Variants in ABCG8 observed in about 807,000 individuals in gnomAD.
The protein encoded by ABCG8 is ATP binding cassette subfamily G member 8, also known as ATP-binding cassette sub-family G member 8.
In ABCG8, 81 loss-of-function variants were observed where a neutral mutation model predicts 71.3. The observed-to-expected ratio is 1.14, with a 90% CI of 0.95 to 1.37. The LOEUF is 1.37. ABCG8 is among the 40% of genes most tolerant of loss of function. The pLI is 0.00. For missense variants in ABCG8, 1,119 were observed against 866.2 expected (o/e 1.29, Z -3.66); for synonymous variants, 451 against 354.7 (o/e 1.27, Z -3.05).
chr2:43,874,293 G>A, intron 9 of ABCG8, 114 bp from the exon 10 acceptor site: 1 of 982,336 alleles, frequency 1.0e-6, no homozygotes, highest in Non-Finnish European at 1.6e-6. Context: ...AAAAAAATTA[G>A]AGACTTGGGC....
rs1026750159 is a variant in ABCG8 at position 43,879,343 on chromosome 2, A to G, written c.*1430A>G. Reference sequence around the variant, plus strand: ...GGGAGGTAAATAGCAAATACTCTTCATAGGTTCACTAGAGTCTTGCTACTC... The same window carrying G: ...GGGAGGTAAATAGCAAATACTCTTCGTAGGTTCACTAGAGTCTTGCTACTC... On this transcript the variant is annotated 3_prime_UTR_variant, in exon 13 of 13. Coordinates refer to ENST00000272286, the MANE Select transcript of ABCG8 (RefSeq NM_022437.3). 7 of 152,266 alleles carry G rather than the reference A, an allele frequency of 4.6e-5. No individual in the cohort carries two copies. The highest frequency in any genetic ancestry group is 7.3e-5 in the Non-Finnish European group (5 of 68,072). 9.4% of individuals were successfully genotyped at this position (152,266 alleles called of 1,614,324 possible). A position where few individuals can be genotyped will look rare whatever the true frequency, so the allele number is the denominator to read the frequency against.
intron 6 of ABCG8, among the ~76,000 whole-genome samples, chr2:43,857,759 G>C (rs546850772): frequency 5.9e-5 from 9 of 151,306 alleles, no homozygotes; most frequent in Admixed American, 2.0e-4. Context: ...TCTGAGGATA[G>C]ATTTCCAACT....
chr2:43,842,846 C>T (rs142862537), intron 1 of ABCG8, among the ~76,000 whole-genome samples: 20 of 152,066 alleles, frequency 1.3e-4, no homozygotes, highest in Non-Finnish European at 2.6e-4. Flanking sequence ...AAGTCACTTT[C>T]GTCTGCTGTT....
intron 6 of ABCG8, among the ~76,000 whole-genome samples, chr2:43,857,187 A>G (rs1669141929): frequency 6.6e-6 from 1 of 151,722 alleles, no homozygotes; most frequent in South Asian, 2.1e-4. Context: ...ATCTATCTGG[A>G]CAGAATTCTC....
rs1404566164 is a variant in ABCG8, at chr2:43,846,230, C to T, written c.241C>T (p.Gln81Ter). 6.2e-7 allele frequency: 1 copy of T among 1,614,000 alleles called. No homozygotes were observed. Among genetic ancestry groups the T allele is most frequent in the Non-Finnish European group, 8.5e-7 (1 of 1,180,022 alleles). ...GATGCCCTGGACATCTCCCAGCTGC[C>T]AGAATTCTTGTGAGCTGGGCATCCA... ...FKMPWTSPSCQNSCELGIQNL... is the reference protein window; with the variant it reads ...FKMPWTSPSC The change falls in exon 3 of 13, where the codon CAG becomes TAG. Residue 81 changes from glutamine (Q) to a stop codon, truncating the protein, a stop_gained. Coordinates refer to ENST00000272286, the MANE Select transcript of ABCG8 (RefSeq NM_022437.3). LOFTEE classifies it high-confidence loss of function.
intron 6 of ABCG8, among the ~76,000 whole-genome samples, chr2:43,858,614 C>G (rs1055188108): frequency 2.0e-5 from 3 of 150,980 alleles, no homozygotes; most frequent in African/African-American, 7.3e-5. Context: ...AGAACTCTCA[C>G]TATCTATCTG....
intron 3 of ABCG8, chr2:43,846,611 C>T: frequency 2.4e-6 from 1 of 410,744 alleles, no homozygotes; most frequent in Non-Finnish European, 4.6e-6. Context: ...CAAACAGCTC[C>T]AGCATGTAAT....
At chr2:43,859,905 T>C (rs1302594819) in intron 6 of ABCG8, among the ~76,000 whole-genome samples, 8 of 144,544 alleles carry the variant, frequency 5.5e-5, no homozygotes, top group Middle Eastern at 4.5e-3. Context: ...AGAATTCTCA[T>C]TCTCTGGATA....
chr2:43,852,494 C>T lies in ABCG8; in HGVS notation c.694+8C>T. ...AGCTCCTGTGGAACCCAGGTGAGGG[C>T]CTGGGGGGCAGATGGGGGCAGAGGG... On this transcript the variant is annotated splice_region_variant and intron_variant, in intron 5 of 12. Coordinates refer to ENST00000272286, the MANE Select transcript of ABCG8 (RefSeq NM_022437.3). 1 of 1,613,488 alleles carries T rather than the reference C, an allele frequency of 6.2e-7. No individual in the cohort carries two copies. The highest frequency in any genetic ancestry group is 8.5e-7 in the Non-Finnish European group (1 of 1,179,818).
In ABCG8 at chr2:43,839,403, C is replaced by CTTTTTTTTTTTTTTTTTTTTTT. The variant is rs537784677; in HGVS notation, c.63+307_63+328dup. 4.2e-4 allele frequency among the ~76,000 whole-genome samples: 25 copies of CTTTTTTTTTTTTTTTTTTTTTT among 59,310 alleles called. 7 individuals are homozygous for CTTTTTTTTTTTTTTTTTTTTTT. Among genetic ancestry groups the CTTTTTTTTTTTTTTTTTTTTTT allele is most frequent in the Middle Eastern group, 0.031 (2 of 64 alleles). The allele number at this position is 59,310 out of a possible 152,430, so 38.9% of individuals were successfully genotyped here. Reference sequence around the variant, plus strand: ...CACTTTTTCTTTTTTCTTTTCTTCTCTTTTTTTTTTTTTTTTTTTTTTTTT... The same window carrying CTTTTTTTTTTTTTTTTTTTTTT: ...CACTTTTTCTTTTTTCTTTTCTTCTCTTTTTTTTTTTTTTTTTTTTTTTTTTTTTTTTTTTTTTTTTTTTTTT... On this transcript the variant is annotated intron_variant, in intron 1 of 12. Coordinates refer to ENST00000272286, the MANE Select transcript of ABCG8 (RefSeq NM_022437.3).
chr2:43,844,390 T>C, intron 1 of ABCG8, 117 bp from the exon 2 acceptor site: 1 of 794,648 alleles, frequency 1.3e-6, no homozygotes, highest in African/African-American at 1.7e-5. Context: ...GTTGCCAATT[T>C]GAGATTTAAC....
At chr2:43,842,398 C>T (rs368157557) in intron 1 of ABCG8, among the ~76,000 whole-genome samples, 1 of 152,136 alleles carries the variant, frequency 6.6e-6, no homozygotes. Flanking sequence ...GCGGAGAGGG[C>T]GAGTGAGGGG....
chr2:43,873,843 A>G lies in ABCG8; in HGVS notation c.1268A>G (p.Glu423Gly). 2 of 1,613,888 alleles carry G rather than the reference A, an allele frequency of 1.2e-6. No individual in the cohort carries two copies. Among genetic ancestry groups the G allele is most frequent in the Middle Eastern group, 3.3e-4 (2 of 6,062 alleles). ...CCCACCCTCCTCATCCATGGGGCGG[A>G]GGCCTGTCTGATGTCAATGACCATC... ...DLPTLLIHGAEACLMSMTIGF... is the reference protein window; with the variant it reads ...DLPTLLIHGAGACLMSMTIGF... Residue 423 changes from glutamate to glycine, a missense_variant, in exon 9 of 13, where the codon GAG (glutamate) becomes GGG (glycine). Physicochemically the swap from Glu to Gly is moderately conservative, Grantham distance 98 (BLOSUM62 -2). Coordinates refer to ENST00000272286, the MANE Select transcript of ABCG8 (RefSeq NM_022437.3).
chr2:43,857,192 A>G (rs1368852565), intron 6 of ABCG8, among the ~76,000 whole-genome samples: 1 of 151,280 alleles, frequency 6.6e-6, no homozygotes, highest in Non-Finnish European at 1.5e-5. Flanking sequence ...TCTGGACAGA[A>G]TTCTCACTCT....
chr2:43,846,019 G>T, intron 2 of ABCG8, 136 bp from the exon 3 acceptor site: 1 of 862,768 alleles, frequency 1.2e-6, no homozygotes, highest in East Asian at 2.5e-5. Flanking sequence ...AACCTGGGTT[G>T]GGGCCTATTG....
rs1445935519 is a variant in ABCG8 at position 43,881,790 on chromosome 2, ATTTG to A, written c.*3881_*3884del. 1.3e-5 allele frequency: 2 copies of A among 151,598 alleles called. No individual in the cohort carries two copies. The highest frequency in any genetic ancestry group is 2.9e-5 in the Non-Finnish European group (2 of 67,960). The allele number at this position is 151,598 out of a possible 1,614,324, so 9.4% of individuals were successfully genotyped here. The stretch of plus-strand genomic sequence containing the variant: ...TGCCCTGCATTGCGAAAGGGTAGAG[ATTTG>A]TTTATTTGTCAGTATTGAAAGCATG... On this transcript the variant is annotated 3_prime_UTR_variant, in exon 13 of 13. Coordinates refer to ENST00000272286, the MANE Select transcript of ABCG8 (RefSeq NM_022437.3).
In ABCG8 at chr2:43,873,779, T is replaced by A; in HGVS notation, c.1212-8T>A. The stretch of plus-strand genomic sequence containing the variant: ...TTGCCTCAGCATCTCTTCCTTTTGG[T>A]TTTTAAGTCGTCAGATTTCCAACGA... On this transcript the variant is annotated splice_polypyrimidine_tract_variant and splice_region_variant and intron_variant, in intron 8 of 12. Coordinates refer to ENST00000272286, the MANE Select transcript of ABCG8 (RefSeq NM_022437.3). The A allele has an allele frequency of 6.2e-7, 1 of 1,613,984 alleles. No individual in the cohort carries two copies. Among genetic ancestry groups the A allele is most frequent in the Non-Finnish European group, 8.5e-7 (1 of 1,179,986 alleles).
At chr2:43,852,121 T>A (rs1308885424) in intron 4 of ABCG8, among the ~76,000 whole-genome samples, 1 of 152,186 alleles carries the variant, frequency 6.6e-6, no homozygotes, top group Non-Finnish European at 1.5e-5. Flanking sequence ...TGGTCCCCAA[T>A]ACACTGCCAC....
chr2:43,850,834 C>T (rs530254773), intron 3 of ABCG8, among the ~76,000 whole-genome samples: 8 of 150,292 alleles, frequency 5.3e-5, no homozygotes, highest in Non-Finnish European at 7.4e-5. Context: ...TGCTTGAACT[C>T]GGGAGGCAGA....
Sources: allele counts gnomAD v4.1 joint callset (sites outside exome capture counted in the v4.1 genomes callset), GRCh38; gene constraint gnomAD v4.1.1; transcripts MANE v1.5; gene names NCBI Gene and HGNC (gene_info 2026-07-23, HGNC 2026-07-21).